The following KCNC2 variants were observed in gnomAD, a reference collection of about 807,000 sequenced individuals.
KCNC2 encodes voltage-gated potassium channel KCNC2.
Under a neutral mutation model 44.5 loss-of-function variants are expected in KCNC2, and 21 were observed. The observed-to-expected ratio is 0.47, with a 90% CI of 0.33 to 0.68. The LOEUF is 0.68. Ranked by LOEUF, KCNC2 falls within the 30% of genes least tolerant of loss-of-function variation. The pLI is 0.01. For missense variants in KCNC2, 589 were observed against 826.2 expected, an observed-to-expected ratio of 0.71 and a Z score of 3.52; for synonymous variants, 391 against 339.1, an observed-to-expected ratio of 1.15 and a Z score of -1.68.
intron 2 of KCNC2, among the ~76,000 whole-genome samples, chr12:75,145,551 G>A (rs1397651276): frequency 6.7e-6 from 1 of 149,960 alleles, no homozygotes. Context: ...TATTTTATAT[G>A]ACCCCGTTAA....
intron 2 of KCNC2, among the ~76,000 whole-genome samples, chr12:75,178,398 T>C (rs1892337662): frequency 6.6e-6 from 1 of 152,046 alleles, no homozygotes; most frequent in Non-Finnish European, 1.5e-5. Flanking sequence ...AATATGATTT[T>C]TGAAGCTCTT....
intron 2 of KCNC2, among the ~76,000 whole-genome samples, chr12:75,174,899 T>C (rs1223824011): frequency 2.0e-5 from 3 of 151,908 alleles, no homozygotes; most frequent in African/African-American, 7.3e-5. Flanking sequence ...GTTGAAAGGA[T>C]AGCAAAAAAC....
chr12:75,196,702 TTAACACTAA>T (rs2030798261), intron 2 of KCNC2, among the ~76,000 whole-genome samples: 1 of 152,088 alleles, frequency 6.6e-6, no homozygotes, highest in African/African-American at 2.4e-5. Flanking sequence ...AGTCAAGTCC[TTAACACTAA>T]TACACTAATT....
chr12:75,181,325 G>A (rs1892557603), intron 2 of KCNC2, among the ~76,000 whole-genome samples: 1 of 152,042 alleles, frequency 6.6e-6, no homozygotes, highest in Non-Finnish European at 1.5e-5. Context: ...TTTTTTCAAT[G>A]CTTAAATCAT....
intron 2 of KCNC2, among the ~76,000 whole-genome samples, chr12:75,179,310 A>G (rs1321922560): frequency 6.6e-6 from 1 of 151,922 alleles, no homozygotes; most frequent in African/African-American, 2.4e-5. Context: ...AGAGACTATC[A>G]TCTTCATCAA....
At chr12:75,158,717 A>G (rs903083752) in intron 2 of KCNC2, among the ~76,000 whole-genome samples, 2 of 151,934 alleles carry the variant, frequency 1.3e-5, no homozygotes, top group South Asian at 4.1e-4. Flanking sequence ...CCTTCTGAGA[A>G]GCTTTATCTG....
At position 75,147,540 on chromosome 12, in the gene KCNC2, A is replaced by G. The variant is rs565671057; in HGVS notation, c.687+59757T>C. ...AAGAATAGGAAAACAAATAAAAACT[A>G]TAGTCATCATCTAAGGTGGTCAGAA... On this transcript the variant is annotated intron_variant, in intron 2 of 4. Coordinates refer to ENST00000549446, the MANE Select transcript of KCNC2 (RefSeq NM_139137.4). 2.2e-4 allele frequency among the ~76,000 whole-genome samples: 33 copies of G among 152,348 alleles called. No homozygotes were observed. The South Asian group carries it at 4.1e-3, about 19-fold the overall frequency.
intron 2 of KCNC2, among the ~76,000 whole-genome samples, chr12:75,100,967 T>C (rs1886326044): frequency 6.6e-6 from 1 of 152,076 alleles, no homozygotes; most frequent in African/African-American, 2.4e-5. Flanking sequence ...TGAAAGAAAT[T>C]ACATTTGAAA....
intron 2 of KCNC2, among the ~76,000 whole-genome samples, chr12:75,123,181 A>G (rs1470200989): frequency 6.6e-6 from 1 of 152,184 alleles, no homozygotes; most frequent in East Asian, 1.9e-4. Context: ...CAGCTTCAAA[A>G]TCAGGTACAG....
chr12:75,085,014 C>T (rs894392105), intron 2 of KCNC2, among the ~76,000 whole-genome samples: 1 of 115,690 alleles, frequency 8.6e-6, no homozygotes, highest in African/African-American at 3.1e-5. Flanking sequence ...TAAAATTCCC[C>T]CAAATGCCAT....
intron 2 of KCNC2, among the ~76,000 whole-genome samples, chr12:75,071,845 G>T (rs761105502): frequency 2.1e-5 from 3 of 143,546 alleles, no homozygotes; most frequent in East Asian, 2.1e-4. Context: ...GCTGAGGCAG[G>T]AGAATCGCTT....
intron 2 of KCNC2, among the ~76,000 whole-genome samples, chr12:75,087,132 T>C (rs537226258): frequency 3.9e-5 from 6 of 152,100 alleles, no homozygotes; most frequent in Non-Finnish European, 8.8e-5. Flanking sequence ...TCCATAAAGA[T>C]AGAAATTTCA....
chr12:75,202,606 T>C (rs139136351), intron 2 of KCNC2, among the ~76,000 whole-genome samples: 55 of 151,926 alleles, frequency 3.6e-4, no homozygotes, highest in African/African-American at 8.9e-4. Flanking sequence ...AATAGCTCAA[T>C]TGTTGTTTGG....
chr12:75,086,660 CAAAAA>C (rs751242858), intron 2 of KCNC2, among the ~76,000 whole-genome samples: 10 of 117,000 alleles, frequency 8.5e-5, no homozygotes, highest in East Asian at 2.5e-4. Context: ...GTTCATTTGG[CAAAAA>C]AAAAAAAAAA....
intron 2 of KCNC2, among the ~76,000 whole-genome samples, chr12:75,105,146 C>T (rs1886680739): frequency 6.6e-6 from 1 of 152,012 alleles, no homozygotes; most frequent in Admixed American, 6.6e-5. Context: ...GCTAGATGTA[C>T]AGGGAGTGAA....
At chr12:75,144,306 G>A (rs1056971920) in intron 2 of KCNC2, among the ~76,000 whole-genome samples, 3 of 152,124 alleles carry the variant, frequency 2.0e-5, no homozygotes, top group Non-Finnish European at 2.9e-5. Flanking sequence ...CAACACGGTA[G>A]GCTTATCATG....
intron 2 of KCNC2, among the ~76,000 whole-genome samples, chr12:75,109,479 A>G (rs912403503): frequency 6.6e-6 from 1 of 152,174 alleles, no homozygotes; most frequent in African/African-American, 2.4e-5. Context: ...GGGATCTGAG[A>G]ACCTGTAGGA....
At chr12:75,101,309 AG>A (rs139547289) in intron 2 of KCNC2, among the ~76,000 whole-genome samples, 5,136 of 152,142 alleles carry the variant, frequency 0.034, 289 homozygotes, top group African/African-American at 0.12. Context: ...GTTAAATTTC[AG>A]GTTACATGGT....
chr12:75,093,560 C>G (rs1013832744), intron 2 of KCNC2, among the ~76,000 whole-genome samples: 3 of 151,514 alleles, frequency 2.0e-5, no homozygotes, highest in Non-Finnish European at 4.4e-5. Flanking sequence ...TTTTGTCTAG[C>G]GGTATTAATC....
Sources: allele counts gnomAD v4.1 joint callset (sites outside exome capture counted in the v4.1 genomes callset), GRCh38; gene constraint gnomAD v4.1.1; transcripts MANE v1.5; gene names NCBI Gene and HGNC (gene_info 2026-07-23, HGNC 2026-07-21).